Variants in WDHD1 observed in about 807,000 individuals in gnomAD.
WDHD1 encodes WD repeat and HMG-box DNA-binding protein 1.
A neutral mutation model predicts 135.4 loss-of-function variants in WDHD1; 111 were observed. The ratio of observed to expected loss-of-function variants is 0.82; its 90% confidence interval spans 0.70 to 0.96. The LOEUF is 0.96. Ranked by LOEUF, WDHD1 falls within the 40% of genes least tolerant of loss-of-function variation. The pLI is 0.00. For synonymous variants in WDHD1, 434 were observed against 439.0 expected (o/e 0.99, Z 0.14); for missense variants, 1,351 against 1,336.3 (o/e 1.01, Z -0.17).
chr14:54,974,006 C>G (rs1302625798), intron 16 of WDHD1, among the ~76,000 whole-genome samples: 1 of 151,712 alleles, frequency 6.6e-6, no homozygotes, highest in Non-Finnish European at 1.5e-5. Context: ...AAAAAACAAA[C>G]ACATTTAAAC....
intron 11 of WDHD1, 74 bp from the exon 12 acceptor site, chr14:54,991,474 CTAG>C: frequency 7.0e-7 from 1 of 1,423,734 alleles, no homozygotes. Context: ...ATTATGGAAT[CTAG>C]TAACTTTTTC....
chr14:55,012,783 A>G (rs1211907543), intron 3 of WDHD1, among the ~76,000 whole-genome samples: 1 of 151,770 alleles, frequency 6.6e-6, no homozygotes, highest in African/African-American at 2.4e-5. Context: ...TGATGAACCC[A>G]CTCCTGAGAT....
intron 25 of WDHD1, 129 bp downstream of exon 25, chr14:54,944,203 C>T: frequency 8.7e-7 from 1 of 1,152,192 alleles, no homozygotes; most frequent in Non-Finnish European, 1.2e-6. Flanking sequence ...CTCAAGTGAT[C>T]CGCCTCGACC....
intron 16 of WDHD1, among the ~76,000 whole-genome samples, chr14:54,981,154 C>T (rs1473923110): frequency 6.6e-6 from 1 of 152,084 alleles, no homozygotes; most frequent in African/African-American, 2.4e-5. Context: ...CAAAACATCT[C>T]AAAAAGCAGC....
chr14:54,970,040 GAACAT>G (rs2041406229), intron 16 of WDHD1, among the ~76,000 whole-genome samples: 1 of 152,076 alleles, frequency 6.6e-6, no homozygotes, highest in Non-Finnish European at 1.5e-5. Context: ...GGCATTGAAG[GAACAT>G]AACTCAAAAT....
chr14:54,963,312 A>G, intron 18 of WDHD1, 140 bp from the exon 19 acceptor site: 1 of 689,520 alleles, frequency 1.5e-6, no homozygotes, highest in South Asian at 2.0e-5. Flanking sequence ...CATTTTTACA[A>G]GTTTTAACAT....
chr14:54,981,254 G>A (rs919780804), intron 16 of WDHD1, among the ~76,000 whole-genome samples: 6 of 151,970 alleles, frequency 3.9e-5, no homozygotes, highest in African/African-American at 1.4e-4. Context: ...TAAAATAAAA[G>A]ACAGTAATAA....
At chr14:54,985,014 G>A (rs2041675105) in intron 14 of WDHD1, among the ~76,000 whole-genome samples, 154 bp from the exon 15 acceptor site, 1 of 152,088 alleles carries the variant, frequency 6.6e-6, no homozygotes, top group Non-Finnish European at 1.5e-5. Context: ...CATCATTCAG[G>A]TATTAGAAAC....
intron 2 of WDHD1, among the ~76,000 whole-genome samples, chr14:55,020,223 A>G (rs963078300): frequency 2.0e-5 from 3 of 152,144 alleles, no homozygotes; most frequent in Admixed American, 6.6e-5. Flanking sequence ...CGTAGTGTCA[A>G]CCTCACTAAT....
intron 11 of WDHD1, among the ~76,000 whole-genome samples, chr14:54,993,057 A>G (rs2041817453): frequency 6.6e-6 from 1 of 152,198 alleles, no homozygotes; most frequent in Non-Finnish European, 1.5e-5. Flanking sequence ...TATGTTACAA[A>G]ATTAAACATG....
At position 54,966,705 on chromosome 14, in the gene WDHD1, G is replaced by A; in HGVS notation, c.2179-99C>T. 12 of 1,229,796 alleles carry A rather than the reference G, an allele frequency of 9.8e-6. No individual in the cohort carries two copies. In the South Asian group the frequency reaches 1.8e-4, roughly 18 times the overall value. 76.2% of individuals were successfully genotyped at this position (1,229,796 alleles called of 1,614,324 possible). On this transcript the variant is annotated intron_variant, in intron 17 of 25. Coordinates refer to ENST00000360586, the MANE Select transcript of WDHD1 (RefSeq NM_007086.4). ...AGATACCAGTTTTTGAATAAAATAT[G>A]TTCTGAACTCTTCCTTTCTATAAGT...
At chr14:54,961,971 G>C (rs112234406) in intron 21 of WDHD1, among the ~76,000 whole-genome samples, 9,094 of 152,014 alleles carry the variant, frequency 0.06, 837 homozygotes, top group African/African-American at 0.2. Context: ...CGAGTAGCTG[G>C]GATTACAGGC....
At chr14:55,024,520 G>C (rs540494103) in intron 2 of WDHD1, among the ~76,000 whole-genome samples, 1 of 152,186 alleles carries the variant, frequency 6.6e-6, no homozygotes, top group East Asian at 1.9e-4. Flanking sequence ...GTTTACTCTA[G>C]TCCAAGCTTC....
chr14:54,984,461 C>T (rs1004663986), intron 15 of WDHD1, among the ~76,000 whole-genome samples: 6 of 152,166 alleles, frequency 3.9e-5, no homozygotes, highest in South Asian at 2.1e-4. Flanking sequence ...TGCCACTGCA[C>T]TCCAGCCTGG....
intron 2 of WDHD1, among the ~76,000 whole-genome samples, chr14:55,026,265 GAAAATATTATAGT>G (rs1473907870): frequency 6.6e-6 from 1 of 152,020 alleles, no homozygotes; most frequent in African/African-American, 2.4e-5. Context: ...ATAACCGTAG[GAAAATATTATAGT>G]TTAGGAATCA....
intron 7 of WDHD1, chr14:55,004,835 C>T: frequency 2.0e-6 from 1 of 498,530 alleles, no homozygotes; most frequent in Non-Finnish European, 4.0e-6. Flanking sequence ...AGTGGTTGTT[C>T]CTATGCATTC....
chr14:55,008,798 T>A, intron 4 of WDHD1, 79 bp from the exon 5 acceptor site: 7 of 273,492 alleles, frequency 2.6e-5, no homozygotes, highest in Non-Finnish European at 3.6e-5. Flanking sequence ...CAAATATTTC[T>A]TTTTTTTTTT....
Position 54,961,164 on chromosome 14 carries a change from C to T in WDHD1, c.2701+1334G>A, listed in dbSNP as rs536332846. Among the ~76,000 whole-genome samples, 403 of 152,048 alleles carry T rather than the reference C, an allele frequency of 2.7e-3. 1 individual carries two copies. The highest frequency in any genetic ancestry group is 8.9e-3 in the African/African-American group (367 of 41,464). ...TGCCATGCTATACCTCTGCTTAAAA[C>T]CTACAACAGTCTCTCAGTGACCTTA... is the stretch of plus-strand genomic sequence containing the variant. On this transcript the variant is annotated intron_variant, in intron 21 of 25. Transcript: ENST00000360586.
intron 24 of WDHD1, among the ~76,000 whole-genome samples, chr14:54,948,802 C>T (rs140040926): frequency 0.019 from 2,927 of 152,244 alleles, 67 homozygotes; most frequent in African/African-American, 0.057. Context: ...CCCTCTGAGA[C>T]GAGGCTTCCA....
Sources: allele counts gnomAD v4.1 joint callset (sites outside exome capture counted in the v4.1 genomes callset), GRCh38; gene constraint gnomAD v4.1.1; transcripts MANE v1.5; gene names NCBI Gene and HGNC (gene_info 2026-07-23, HGNC 2026-07-21).